The following AHR variants were observed in gnomAD, a reference collection of about 807,000 sequenced individuals.
AHR encodes AH-receptor.
A neutral mutation model predicts 86.8 loss-of-function variants in AHR; 40 were observed. The ratio of observed to expected loss-of-function variants is 0.46; its 90% CI spans 0.36 to 0.60. AHR has a LOEUF of 0.60. AHR is among the 20% of genes least tolerant of loss of function. The probability of loss-of-function intolerance (pLI) is 0.00; values close to 1 mark genes in which losing one functional copy is unlikely to be tolerated. For synonymous variants in AHR, 398 were observed against 354.9 expected (o/e 1.12, Z -1.37); for missense variants, 1,001 against 1,011.6 (o/e 0.99, Z 0.14).
intron 2 of AHR, among the ~76,000 whole-genome samples, chr7:17,312,691 A>G (rs1414115507): frequency 6.6e-6 from 1 of 152,150 alleles, no homozygotes. Flanking sequence ...TCTGTTTTTT[A>G]TTCTGGTTCA....
intron 2 of AHR, 134 bp downstream of exon 2, chr7:17,310,257 T>G (rs1584030979): frequency 2.5e-6 from 2 of 797,824 alleles, no homozygotes; most frequent in Non-Finnish European, 3.7e-6. Context: ...AAAATTTCAG[T>G]GGCAAAGCCA....
In AHR at chr7:17,339,419, C is replaced by G. The variant is rs1407777824; in HGVS notation, c.1594C>G (p.Gln532Glu). ...SFAGGHPGLF[Q>E]DSKNSDLYSI... ...TGCTGGAGGTCACCCAGGGCTCTTT[C>G]AAGATAGTAAAAACAGTGACTTGTA... The change falls in exon 10 of 11, where the codon CAA (glutamine) becomes GAA (glutamate). Residue 532 changes from glutamine (Q) to glutamate (E), a missense_variant. Physicochemically the swap from Gln to Glu is conservative, Grantham distance 29 (BLOSUM62 2). Around this residue, in one of 2 missense-constraint regions of AHR, gnomAD observed 607 missense variants for 543.1 expected, o/e 1.12. Transcript: ENST00000242057. The G allele has an allele frequency of 6.2e-7, 1 of 1,614,038 alleles. No homozygotes were observed. Among genetic ancestry groups the G allele is most frequent in the Non-Finnish European group, 8.5e-7 (1 of 1,180,036 alleles).
At position 17,327,611 on chromosome 7, in the gene AHR, C is replaced by T. The variant is rs1412399749; in HGVS notation, c.361-148C>T. On this transcript the variant is annotated intron_variant, in intron 3 of 10. Coordinates refer to ENST00000242057, the MANE Select transcript of AHR (RefSeq NM_001621.5). Reference sequence around the variant, plus strand: ...AAGGTATGAATAGATATTTCTTAGTCCAGGAGTGTATGTTTTGGCTGTGTT... The same window carrying T: ...AAGGTATGAATAGATATTTCTTAGTTCAGGAGTGTATGTTTTGGCTGTGTT... The T allele has an allele frequency of 8.2e-6, 3 of 365,776 alleles. No individual in the cohort carries two copies. In the East Asian group the frequency reaches 1.3e-4, roughly 16 times the overall value. The allele number at this position is 365,776 out of a possible 1,614,324, so 22.7% of individuals were successfully genotyped here.
rs1003371323 is a variant in AHR at position 17,303,645 on chromosome 7, GTTTTTC to G, written c.65+4321_65+4326del. ...CTAATATTCTATAATTTTTTTAACTGTTTTTCTTTTGGGAGGAAATTTTATTCCCAA... is the reference window on the plus strand; with the variant it reads ...CTAATATTCTATAATTTTTTTAACTGTTTTGGGAGGAAATTTTATTCCCAA... On this transcript the variant is annotated intron_variant, in intron 1 of 10. Coordinates refer to ENST00000242057, the MANE Select transcript of AHR (RefSeq NM_001621.5). 3.3e-5 allele frequency among the ~76,000 whole-genome samples: 5 copies of G among 151,762 alleles called. No individual in the cohort carries two copies. In the East Asian group the frequency reaches 7.7e-4, roughly 23 times the overall value.
At chr7:17,308,935 T>A (rs1782033756) in intron 1 of AHR, among the ~76,000 whole-genome samples, 1 of 152,220 alleles carries the variant, frequency 6.6e-6, no homozygotes. Flanking sequence ...AAAAATGTCT[T>A]TGTTGTAAGA....
intron 8 of AHR, 141 bp downstream of exon 8, chr7:17,335,137 C>T: frequency 1.9e-6 from 1 of 534,664 alleles, no homozygotes; most frequent in East Asian, 2.9e-5. Flanking sequence ...TATGATTAAC[C>T]AGGGTTACAC....
intron 1 of AHR, among the ~76,000 whole-genome samples, chr7:17,302,948 T>C (rs1781969313): frequency 6.6e-6 from 1 of 152,004 alleles, no homozygotes; most frequent in African/African-American, 2.4e-5. Flanking sequence ...TACGATTATG[T>C]TCTCAATTAC....
At chr7:17,301,544 A>T (rs1781955037) in intron 1 of AHR, among the ~76,000 whole-genome samples, 1 of 151,940 alleles carries the variant, frequency 6.6e-6, no homozygotes, top group South Asian at 2.1e-4. Flanking sequence ...AGGACTGTTT[A>T]AAAAGACAGC....
At chr7:17,341,751 C>G (rs544388048) in intron 10 of AHR, among the ~76,000 whole-genome samples, 1 of 152,090 alleles carries the variant, frequency 6.6e-6, no homozygotes, top group African/African-American at 2.4e-5. Flanking sequence ...AGCCGCATTA[C>G]AAAAGTAAAA....
intron 9 of AHR, among the ~76,000 whole-genome samples, chr7:17,338,027 G>A (rs1253801159): frequency 4.0e-5 from 6 of 151,074 alleles, no homozygotes; most frequent in East Asian, 3.9e-4. Flanking sequence ...GTGAAACCCC[G>A]TCTCTACTAA....
intron 2 of AHR, among the ~76,000 whole-genome samples, chr7:17,312,763 AT>A (rs1486110427): frequency 2.6e-5 from 4 of 152,176 alleles, no homozygotes; most frequent in African/African-American, 9.7e-5. Flanking sequence ...CTACATTATC[AT>A]TATCTTTAAC....
At position 17,343,843 on chromosome 7, in the gene AHR, A is replaced by G. The variant is rs747743083; in HGVS notation, c.*779A>G. 6.6e-6 allele frequency: 1 copy of G among 152,574 alleles called. No individual in the cohort carries two copies. Among genetic ancestry groups the G allele is most frequent in the African/African-American group, 2.4e-5 (1 of 41,452 alleles). The allele number at this position is 152,574 out of a possible 1,614,324, so 9.5% of individuals were successfully genotyped here. A position where few individuals can be genotyped will look rare whatever the true frequency, so the allele number is the denominator to read the frequency against. On this transcript the variant is annotated 3_prime_UTR_variant, in exon 11 of 11. Transcript: ENST00000242057. The stretch of plus-strand genomic sequence containing the variant: ...TTTATTACATAATTTAGTTGTTTCT[A>G]GACTATAAATGTTGCTATGTGCCTT...
rs1254728331 is a variant in AHR at position 17,340,169 on chromosome 7, C to G, written c.2344C>G (p.His782Asp). Residue 782 changes from histidine (H) to aspartate (D), a missense_variant, in exon 10 of 11, where the codon CAC becomes GAC. Around this residue, in one of 2 missense-constraint regions of AHR, gnomAD observed 607 missense variants for 543.1 expected, o/e 1.12. Coordinates refer to ENST00000242057, the MANE Select transcript of AHR (RefSeq NM_001621.5). ...GTGCCAGCCAGAACCTCAGCACACC[C>G]ACGTGGGTCAGATGCAGTACAATCC... ...YQCQPEPQHT[H>D]VGQMQYNPVL... The G allele has an allele frequency of 6.2e-7, 1 of 1,614,072 alleles. No homozygotes were observed.
At position 17,331,083 on chromosome 7, in the gene AHR, G is replaced by A. The variant is rs191479910; in HGVS notation, c.705+197G>A. On this transcript the variant is annotated intron_variant, in intron 6 of 10. Coordinates refer to ENST00000242057, the MANE Select transcript of AHR (RefSeq NM_001621.5). Reference sequence around the variant, plus strand: ...GAACAGAAAATGCAAGTGAGGTACAGAAATGGCTTGATTGATTACAGCTTG... The same window carrying A: ...GAACAGAAAATGCAAGTGAGGTACAAAAATGGCTTGATTGATTACAGCTTG... 1.8e-3 allele frequency among the ~76,000 whole-genome samples: 268 copies of A among 152,040 alleles called. 1 individual carries two copies. Among genetic ancestry groups the A allele is most frequent in the African/African-American group, 6.1e-3 (254 of 41,534 alleles).
At chr7:17,338,155 C>T (rs1175618780) in intron 9 of AHR, among the ~76,000 whole-genome samples, 32 of 148,732 alleles carry the variant, frequency 2.2e-4, no homozygotes, top group African/African-American at 4.9e-4. Flanking sequence ...GCCGAGATCG[C>T]GCCACTGCAC....
At chr7:17,341,503 A>T (rs998346946) in intron 10 of AHR, among the ~76,000 whole-genome samples, 12 of 152,100 alleles carry the variant, frequency 7.9e-5, no homozygotes, top group Admixed American at 7.9e-4. Context: ...CTTTGTAAAT[A>T]ACCAAATAAT....
chr7:17,334,034 C>T lies in AHR; in HGVS notation c.828C>T (p.Ser276=). 3 of 1,613,550 alleles carry T rather than the reference C, an allele frequency of 1.9e-6. No individual in the cohort carries two copies. The highest frequency in any genetic ancestry group is 2.5e-6 in the Non-Finnish European group (3 of 1,179,554). The change falls in exon 7 of 11, where the codon TCC becomes TCT. Residue 276 remains serine, a synonymous_variant. Transcript: ENST00000242057. The part of the protein sequence containing the change: ...FAIATPLQPP[S]ILEIRTKNFI... The stretch of plus-strand genomic sequence containing the variant: ...TAGCTACTCCACTTCAGCCACCATC[C>T]ATACTTGAAATCCGGACCAAAAATT...
chr7:17,318,771 C>G (rs1782140983), intron 2 of AHR, among the ~76,000 whole-genome samples: 1 of 152,038 alleles, frequency 6.6e-6, no homozygotes, highest in Non-Finnish European at 1.5e-5. Flanking sequence ...ATAGTTGACC[C>G]TTGAACAATG....
rs776833733 is a variant in AHR, at chr7:17,334,871, T to G, written c.909-16T>G. The G allele has an allele frequency of 6.4e-7, 1 of 1,562,692 alleles. No homozygotes were observed. The highest frequency in any genetic ancestry group is 8.7e-7 in the Non-Finnish European group (1 of 1,144,186). On this transcript the variant is annotated splice_polypyrimidine_tract_variant and intron_variant, in intron 7 of 10. Transcript: ENST00000242057. ...TCTTAATCCATTCTTATTTTACCTT[T>G]TTTTATTTTAAACAGAGGAAGAATT...
Sources: gnomAD v4.1 joint callset for allele counts (sites outside exome capture counted in the v4.1 genomes callset) on GRCh38, gnomAD v4.1.1 for gene constraint, gnomAD v4.1.1 regional missense constraint, MANE v1.5 for transcripts, NCBI Gene and HGNC (gene_info 2026-07-23, HGNC 2026-07-21) for gene names.